CNTN4: variants seen among roughly 807,000 people sequenced by gnomAD.
CNTN4 encodes the protein contactin 4, also known as contactin-4.
CNTN4 carries 77 observed loss-of-function variants against 122.5 expected under a neutral mutation model. The ratio of observed to expected loss-of-function variants is 0.63; its 90% confidence interval spans 0.52 to 0.76. The LOEUF (loss-of-function observed/expected upper bound fraction) is 0.76. Ranked by LOEUF, CNTN4 falls within the 30% of genes least tolerant of loss-of-function variation. The probability of loss-of-function intolerance (pLI) is 0.00; values close to 1 mark genes in which losing one functional copy is unlikely to be tolerated. For synonymous variants in CNTN4, 512 were observed against 447.0 expected, an observed-to-expected ratio of 1.15 and a Z score of -1.83; for missense variants, 1,256 against 1,259.1, an observed-to-expected ratio of 1.00 and a Z score of 0.04.
Position 2,884,338 on chromosome 3 carries a change from T to G in CNTN4, c.755+1091T>G, listed in dbSNP as rs1035598754. The stretch of plus-strand genomic sequence containing the variant: ...GAAGAGGTTCCTTTTTCCATTTTAT[T>G]GTCGGTTCTAATAGAAAGGTTGTTT... On this transcript the variant is annotated intron_variant, in intron 9 of 24. Coordinates refer to ENST00000418658, the MANE Select transcript of CNTN4 (RefSeq NM_175607.3). 3.9e-5 allele frequency among the ~76,000 whole-genome samples: 6 copies of G among 152,316 alleles called. 1 individual carries two copies. The highest frequency in any genetic ancestry group is 1.5e-5 in the Non-Finnish European group (1 of 68,034).
At chr3:2,770,481 ATTG>A (rs1399453228) in intron 6 of CNTN4, among the ~76,000 whole-genome samples, 1 of 152,232 alleles carries the variant, frequency 6.6e-6, no homozygotes. Flanking sequence ...GAGGAAGTGC[ATTG>A]TTATAAAATC....
At chr3:2,314,159 A>G (rs1487575790) in intron 2 of CNTN4, among the ~76,000 whole-genome samples, 1 of 152,132 alleles carries the variant, frequency 6.6e-6, no homozygotes, top group South Asian at 2.1e-4. Context: ...TCCAATTCTT[A>G]TGTGACAGAA....
chr3:2,577,967 G>C (rs1382868), intron 4 of CNTN4, among the ~76,000 whole-genome samples: 96,512 of 151,870 alleles, frequency 0.64, 32,388 homozygotes, highest in Admixed American at 0.75. Flanking sequence ...TTGTTGATTT[G>C]CTCACAAAAT....
chr3:2,658,513 G>A (rs1246800367), intron 4 of CNTN4, among the ~76,000 whole-genome samples: 1 of 152,126 alleles, frequency 6.6e-6, no homozygotes, highest in Non-Finnish European at 1.5e-5. Flanking sequence ...ACGATTTACT[G>A]AAATTCACAC....
intron 2 of CNTN4, among the ~76,000 whole-genome samples, chr3:2,145,829 T>A (rs923824790): frequency 1.3e-5 from 2 of 152,154 alleles, no homozygotes; most frequent in African/African-American, 4.8e-5. Context: ...CCACTTTTAA[T>A]ATGAGAATAT....
intron 8 of CNTN4, among the ~76,000 whole-genome samples, chr3:2,867,184 G>A (rs1297749440): frequency 6.6e-6 from 1 of 152,132 alleles, no homozygotes; most frequent in Non-Finnish European, 1.5e-5. Flanking sequence ...AATAGAATGA[G>A]GATTTAGGTG....
At chr3:2,475,591 C>T (rs1575716754) in intron 3 of CNTN4, among the ~76,000 whole-genome samples, 1 of 152,168 alleles carries the variant, frequency 6.6e-6, no homozygotes, top group South Asian at 2.1e-4. Context: ...TATACATTCC[C>T]TTCTGCCAAT....
At chr3:2,481,621 A>G (rs902557875) in intron 3 of CNTN4, among the ~76,000 whole-genome samples, 1 of 152,196 alleles carries the variant, frequency 6.6e-6, no homozygotes, top group East Asian at 1.9e-4. Flanking sequence ...TAACAAGGAG[A>G]AAATCTATGA....
At chr3:2,655,351 T>C (rs1300970335) in intron 4 of CNTN4, among the ~76,000 whole-genome samples, 1 of 152,192 alleles carries the variant, frequency 6.6e-6, no homozygotes, top group Non-Finnish European at 1.5e-5. Flanking sequence ...AGGCTTTCTA[T>C]TTTTAACATT....
intron 3 of CNTN4, among the ~76,000 whole-genome samples, chr3:2,417,595 C>T (rs879606853): frequency 6.6e-6 from 1 of 152,132 alleles, no homozygotes; most frequent in African/African-American, 2.4e-5. Flanking sequence ...AACTAAACAT[C>T]CTCTTATGAT....
At chr3:2,154,666 A>G (rs965499352) in intron 2 of CNTN4, among the ~76,000 whole-genome samples, 2 of 152,234 alleles carry the variant, frequency 1.3e-5, no homozygotes, top group Non-Finnish European at 2.9e-5. Context: ...GTTTTACACA[A>G]ATAGTGAATA....
chr3:2,800,338 G>C (rs1164061801), intron 6 of CNTN4, among the ~76,000 whole-genome samples: 2 of 151,532 alleles, frequency 1.3e-5, no homozygotes, highest in Non-Finnish European at 2.9e-5. Context: ...ATTTTTTTCG[G>C]GTCTAGACTG....
intron 2 of CNTN4, among the ~76,000 whole-genome samples, chr3:2,178,150 ATTTG>A (rs1559315462): frequency 6.6e-6 from 1 of 152,034 alleles, no homozygotes; most frequent in Non-Finnish European, 1.5e-5. Flanking sequence ...TGTTGAAGGT[ATTTG>A]TGTAAGGCTT....
At chr3:2,835,277 C>T (rs2093201260) in intron 7 of CNTN4, among the ~76,000 whole-genome samples, 1 of 151,948 alleles carries the variant, frequency 6.6e-6, no homozygotes, top group African/African-American at 2.4e-5. Context: ...TTTTAAACAC[C>T]ATGAAACATA....
chr3:2,792,244 G>T (rs970823), intron 6 of CNTN4, among the ~76,000 whole-genome samples: 7,168 of 152,096 alleles, frequency 0.047, 233 homozygotes, highest in Non-Finnish European at 0.07. Context: ...TTCCTGACAA[G>T]GATTCTAATT....
At chr3:2,723,327 T>C (rs569377358) in intron 4 of CNTN4, among the ~76,000 whole-genome samples, 1 of 152,322 alleles carries the variant, frequency 6.6e-6, no homozygotes, top group African/African-American at 2.4e-5. Context: ...CTCACTCACA[T>C]TTAATATGCC....
At chr3:2,491,732 A>G (rs2076322307) in intron 3 of CNTN4, among the ~76,000 whole-genome samples, 1 of 152,186 alleles carries the variant, frequency 6.6e-6, no homozygotes, top group African/African-American at 2.4e-5. Flanking sequence ...GATATTCAGT[A>G]TGGTAGAAAT....
chr3:2,876,942 G>T (rs1396448675), intron 8 of CNTN4, among the ~76,000 whole-genome samples: 3 of 152,140 alleles, frequency 2.0e-5, no homozygotes, highest in African/African-American at 7.2e-5. Flanking sequence ...GTATTCTTCA[G>T]ACCAGCAGCA....
intron 2 of CNTN4, among the ~76,000 whole-genome samples, chr3:2,108,570 C>CA (rs1382963071): frequency 1.3e-5 from 2 of 152,146 alleles, no homozygotes; most frequent in African/African-American, 4.8e-5. Context: ...CAGTGGATAA[C>CA]AGCTTGAAAT....
Sources: gnomAD v4.1 joint callset for allele counts (sites outside exome capture counted in the v4.1 genomes callset) on GRCh38, gnomAD v4.1.1 for gene constraint, MANE v1.5 for transcripts, NCBI Gene and HGNC (gene_info 2026-07-23, HGNC 2026-07-21) for gene names.